THSD4: variants seen among roughly 807,000 people sequenced by gnomAD.
THSD4 encodes thrombospondin type 1 domain containing 4, also known as thrombospondin type-1 domain-containing protein 4.
THSD4 carries 69 observed loss-of-function variants against 119.0 expected under a neutral mutation model. The ratio of observed to expected loss-of-function variants is 0.58; its 90% CI spans 0.48 to 0.71. The LOEUF is 0.71. Among genes scored for constraint, THSD4 ranks in the 30% least tolerant of loss-of-function variants. THSD4 has a pLI of 0.00. For synonymous variants in THSD4, 524 were observed against 540.4 expected, an observed-to-expected ratio of 0.97 and a Z score of 0.42; for missense variants, 1,393 against 1,391.1, an observed-to-expected ratio of 1.00 and a Z score of -0.02.
rs57597488 is a variant in THSD4 at position 71,208,515 on chromosome 15, A to ATT, written c.100-6512_100-6511dup. On this transcript the variant is annotated intron_variant, in intron 3 of 17. Coordinates refer to ENST00000261862, the MANE Select transcript of THSD4 (RefSeq NM_024817.3). Reference sequence around the variant, plus strand: ...TTTTTTCTCTTTTCTTTTCTTTTTTATTTTTTTTTATTTTGAGATGGAGTC... The same window carrying ATT: ...TTTTTTCTCTTTTCTTTTCTTTTTTATTTTTTTTTTTATTTTGAGATGGAGTC... 7.9e-3 allele frequency among the ~76,000 whole-genome samples: 1,176 copies of ATT among 149,420 alleles called. 37 individuals carry two copies. The highest frequency in any genetic ancestry group is 0.051 in the Admixed American group (771 of 15,036).
chr15:71,103,871 CTCTT>C (rs1473611300), intron 1 of THSD4, among the ~76,000 whole-genome samples: 1 of 152,112 alleles, frequency 6.6e-6, no homozygotes, highest in African/African-American at 2.4e-5. Context: ...TCTCTTGCAG[CTCTT>C]TCTGTCTTCC....
chr15:71,357,291 G>A (rs531359954), intron 6 of THSD4, among the ~76,000 whole-genome samples: 4 of 152,314 alleles, frequency 2.6e-5, no homozygotes, highest in South Asian at 2.1e-4. Context: ...CTCTAAACTC[G>A]GTTATGAGAG....
chr15:71,562,910 G>A (rs1257601578), intron 7 of THSD4, among the ~76,000 whole-genome samples: 1 of 152,020 alleles, frequency 6.6e-6, no homozygotes, highest in Non-Finnish European at 1.5e-5. Flanking sequence ...CGCCATGTTA[G>A]CCAGCTGGTC....
chr15:71,181,905 A>G (rs2043533257), intron 3 of THSD4, among the ~76,000 whole-genome samples: 1 of 152,136 alleles, frequency 6.6e-6, no homozygotes, highest in Admixed American at 6.5e-5. Context: ...CTGGTGGGTG[A>G]TCTCCAAATC....
chr15:71,278,775 G>A (rs2044620089), intron 6 of THSD4, among the ~76,000 whole-genome samples: 1 of 152,178 alleles, frequency 6.6e-6, no homozygotes, highest in African/African-American at 2.4e-5. Flanking sequence ...ACCTTGTCAC[G>A]AGTTTAGTGA....
At chr15:71,706,924 A>C (rs2052403818) in intron 8 of THSD4, among the ~76,000 whole-genome samples, 3 of 152,112 alleles carry the variant, frequency 2.0e-5, no homozygotes, top group African/African-American at 7.2e-5. Context: ...TAATTGGAAT[A>C]TGTTTCCTGG....
intron 6 of THSD4, among the ~76,000 whole-genome samples, chr15:71,270,135 A>G (rs1317115884): frequency 6.6e-5 from 10 of 152,268 alleles, no homozygotes. Context: ...AAGAGCCCAT[A>G]TAGCCAAGAC....
intron 14 of THSD4, among the ~76,000 whole-genome samples, chr15:71,754,466 GAAAC>G (rs59137225): frequency 0.98 from 149,278 of 151,656 alleles, 73,482 homozygotes; most frequent in East Asian, 1. Flanking sequence ...ATACATGGCT[GAAAC>G]AAACAAACAA....
At chr15:71,620,760 T>C (rs1289635451) in intron 7 of THSD4, among the ~76,000 whole-genome samples, 1 of 152,178 alleles carries the variant, frequency 6.6e-6, no homozygotes, top group Non-Finnish European at 1.5e-5. Flanking sequence ...CCTTCCAACT[T>C]TGCCCACCCC....
chr15:71,720,036 C>CTTTTTTTT (rs1200407782), intron 8 of THSD4, among the ~76,000 whole-genome samples: 1 of 101,944 alleles, frequency 9.8e-6, no homozygotes, highest in African/African-American at 4.1e-5. Flanking sequence ...TTTTTTTTTT[C>CTTTTTTTT]TTTTTTTTTT....
At chr15:71,424,057 G>A (rs1047096901) in intron 7 of THSD4, among the ~76,000 whole-genome samples, 2 of 152,226 alleles carry the variant, frequency 1.3e-5, no homozygotes, top group Admixed American at 6.5e-5. Context: ...GAATAGGAGA[G>A]GATTGGTGTC....
At chr15:71,133,840 A>C (rs2040525987) in intron 1 of THSD4, among the ~76,000 whole-genome samples, 1 of 152,178 alleles carries the variant, frequency 6.6e-6, no homozygotes, top group Admixed American at 6.5e-5. Flanking sequence ...ACAGATATAA[A>C]CCACACCACT....
intron 7 of THSD4, among the ~76,000 whole-genome samples, chr15:71,517,937 G>A (rs936726373): frequency 6.6e-6 from 1 of 152,224 alleles, no homozygotes; most frequent in Non-Finnish European, 1.5e-5. Context: ...TCCCCCAGAG[G>A]GAGGAAAGTG....
At chr15:71,336,311 A>T (rs1369699216) in intron 6 of THSD4, among the ~76,000 whole-genome samples, 1 of 152,262 alleles carries the variant, frequency 6.6e-6, no homozygotes, top group African/African-American at 2.4e-5. Flanking sequence ...ACCCTTTATT[A>T]TGAGTTCATA....
intron 1 of THSD4, among the ~76,000 whole-genome samples, chr15:71,118,605 C>T (rs1319096501): frequency 6.6e-6 from 1 of 152,048 alleles, no homozygotes; most frequent in Non-Finnish European, 1.5e-5. Flanking sequence ...GACTATTTGC[C>T]TGGGTTTGAC....
At chr15:71,508,733 G>C (rs2048233074) in intron 7 of THSD4, among the ~76,000 whole-genome samples, 1 of 152,154 alleles carries the variant, frequency 6.6e-6, no homozygotes, top group East Asian at 1.9e-4. Context: ...TGTATATGTA[G>C]TGTATTTTTA....
intron 6 of THSD4, among the ~76,000 whole-genome samples, chr15:71,367,219 T>C (rs982701238): frequency 5.4e-5 from 4 of 73,572 alleles, no homozygotes; most frequent in African/African-American, 1.8e-4. Flanking sequence ...TAGGCTCTCT[T>C]TTTTTTTTTT....
intron 7 of THSD4, among the ~76,000 whole-genome samples, chr15:71,424,431 G>A (rs112726216): frequency 3.3e-5 from 5 of 152,012 alleles, no homozygotes; most frequent in Non-Finnish European, 7.4e-5. Context: ...TCTAAATGTC[G>A]GCTTCGGGCT....
intron 5 of THSD4, among the ~76,000 whole-genome samples, chr15:71,243,781 CTT>C (rs34842560): frequency 1.9e-4 from 20 of 104,930 alleles, no homozygotes; most frequent in South Asian, 3.3e-4. Context: ...GTGCTCAGCA[CTT>C]TTTTTTTTTT....
Sources: allele counts gnomAD v4.1 joint callset (sites outside exome capture counted in the v4.1 genomes callset), GRCh38; gene constraint gnomAD v4.1.1; transcripts MANE v1.5; gene names NCBI Gene and HGNC (gene_info 2026-07-23, HGNC 2026-07-21).